Variants in EFHC2 observed in about 807,000 individuals in gnomAD.
EFHC2 encodes the protein EF-hand domain containing 2.
A neutral mutation model predicts 52.7 loss-of-function variants in EFHC2; 18 were observed. That is an observed-to-expected ratio of 0.34 (90% CI 0.24 to 0.51). EFHC2 has a LOEUF of 0.51. EFHC2 is among the 20% of genes least tolerant of loss of function. EFHC2 has a pLI of 0.97. For synonymous variants in EFHC2, 203 were observed against 204.1 expected (o/e 0.99, Z 0.04); for missense variants, 513 against 562.5 (o/e 0.91, Z 0.89).
At chrX:44,248,149 G>T in intron 7 of EFHC2, 123 bp downstream of exon 7, 1 of 585,151 alleles carries the variant, frequency 1.7e-6, no homozygotes, top group Non-Finnish European at 2.6e-6. Flanking sequence ...CTGGAAGATA[G>T]CAAATGCACA....
chrX:44,158,786 G>C (rs1602125584), intron 14 of EFHC2, among the ~76,000 whole-genome samples: 1 of 111,411 alleles, frequency 9.0e-6, no homozygotes, highest in East Asian at 2.8e-4. Context: ...AATAACCAAG[G>C]AACAAGCTGG....
At chrX:44,155,846 G>A (rs1346216468) in intron 14 of EFHC2, among the ~76,000 whole-genome samples, 1 of 112,420 alleles carries the variant, frequency 8.9e-6, no homozygotes, top group Non-Finnish European at 1.9e-5. Context: ...TAAATTTGGG[G>A]AAGAGGATTT....
At chrX:44,192,548 A>C (rs746557676) in intron 11 of EFHC2, among the ~76,000 whole-genome samples, 6 of 112,182 alleles carry the variant, frequency 5.3e-5, no homozygotes, top group Non-Finnish European at 1.1e-4. Flanking sequence ...CTCAATTTAC[A>C]AATACTTTAC....
At chrX:44,200,316 C>G (rs1188314893) in intron 11 of EFHC2, among the ~76,000 whole-genome samples, 1 of 111,514 alleles carries the variant, frequency 9.0e-6, no homozygotes, top group African/African-American at 3.3e-5. Context: ...ACAATCCACC[C>G]TAAGTCAGCA....
chrX:44,291,906 G>A (rs771251336), intron 2 of EFHC2, among the ~76,000 whole-genome samples: 21 of 111,856 alleles, frequency 1.9e-4, no homozygotes, highest in Admixed American at 4.7e-4. Context: ...AGTCTATTGC[G>A]CAAGCAATTA....
chrX:44,250,729 A>G (rs539220939), intron 4 of EFHC2, among the ~76,000 whole-genome samples: 30 of 98,092 alleles, frequency 3.1e-4, no homozygotes, highest in African/African-American at 1.0e-3. Context: ...GGAGGCTGAG[A>G]TGGGAGAATT....
At chrX:44,195,451 TG>T (rs1290726091) in intron 11 of EFHC2, among the ~76,000 whole-genome samples, 2 of 110,913 alleles carry the variant, frequency 1.8e-5, no homozygotes, top group Non-Finnish European at 3.8e-5. Flanking sequence ...TTTGTTTTTT[TG>T]TTTTTTTGCG....
At position 44,318,887 on chromosome X, in the gene EFHC2, G is replaced by A. The variant is rs1479540477; in HGVS notation, c.43-6131C>T. Among the ~76,000 whole-genome samples the A allele has an allele frequency of 2.7e-5, 3 of 111,340 alleles. No individual in the cohort carries two copies. In the East Asian group the frequency reaches 8.5e-4, roughly 31 times the overall value. ...TGGTCTGGATCAAATAGGCAACAAGGAGCCATTAAAGTTTCCCGAGGGACA... is the reference window on the plus strand; with the variant it reads ...TGGTCTGGATCAAATAGGCAACAAGAAGCCATTAAAGTTTCCCGAGGGACA... On this transcript the variant is annotated intron_variant, in intron 1 of 14. Transcript: ENST00000420999.
chrX:44,330,531 A>C (rs922649841), intron 1 of EFHC2, among the ~76,000 whole-genome samples: 1 of 111,099 alleles, frequency 9.0e-6, no homozygotes, highest in African/African-American at 3.3e-5. Flanking sequence ...AAGGCTGGGC[A>C]CGGTGGCTCA....
At chrX:44,178,272 A>T in intron 12 of EFHC2, 95 bp downstream of exon 12, 1 of 851,127 alleles carries the variant, frequency 1.2e-6, no homozygotes, top group Admixed American at 3.6e-5. Flanking sequence ...ACACATGTCT[A>T]TTTTCTTTTT....
At chrX:44,152,955 A>T (rs1208906488) in intron 14 of EFHC2, among the ~76,000 whole-genome samples, 4 of 111,898 alleles carry the variant, frequency 3.6e-5, no homozygotes, top group African/African-American at 1.3e-4. Context: ...TCTTCCAAAT[A>T]AAAGTTTTCA....
chrX:44,217,139 T>G (rs1371292607), intron 11 of EFHC2, among the ~76,000 whole-genome samples: 3 of 111,819 alleles, frequency 2.7e-5, no homozygotes, highest in Non-Finnish European at 5.6e-5. Context: ...TCATTGATCA[T>G]CAGATAAATG....
At chrX:44,182,062 T>C (rs947604750) in intron 11 of EFHC2, among the ~76,000 whole-genome samples, 1 of 111,794 alleles carries the variant, frequency 8.9e-6, no homozygotes, top group Non-Finnish European at 1.9e-5. Flanking sequence ...CTCATACCCA[T>C]TGAGCAACCA....
intron 11 of EFHC2, among the ~76,000 whole-genome samples, chrX:44,221,079 T>C (rs1176416311): frequency 8.9e-6 from 1 of 112,212 alleles, no homozygotes; most frequent in African/African-American, 3.2e-5. Flanking sequence ...GGGCATCTTT[T>C]CATAGGTTTA....
chrX:44,199,451 A>G (rs1316852607), intron 11 of EFHC2, among the ~76,000 whole-genome samples: 1 of 112,485 alleles, frequency 8.9e-6, no homozygotes, highest in Non-Finnish European at 1.9e-5. Context: ...AAATTGACTA[A>G]TCCATGTTCC....
At chrX:44,265,969 A>T (rs1391468123) in intron 3 of EFHC2, among the ~76,000 whole-genome samples, 1 of 111,674 alleles carries the variant, frequency 9.0e-6, no homozygotes, top group Non-Finnish European at 1.9e-5. Flanking sequence ...AACCCTACGC[A>T]TCTCCCCCTT....
intron 3 of EFHC2, among the ~76,000 whole-genome samples, chrX:44,263,908 A>G (rs2037558772): frequency 8.9e-6 from 1 of 111,975 alleles, no homozygotes; most frequent in South Asian, 3.7e-4. Context: ...TAGGAGTCCT[A>G]TATTTTTCTA....
chrX:44,181,674 T>C (rs2036836348), intron 11 of EFHC2, among the ~76,000 whole-genome samples: 3 of 112,771 alleles, frequency 2.7e-5, no homozygotes, highest in Non-Finnish European at 5.6e-5. Flanking sequence ...GTGCTATATT[T>C]GAAACTGCCA....
intron 11 of EFHC2, among the ~76,000 whole-genome samples, chrX:44,214,074 A>T (rs1016654121): frequency 1.2e-4 from 14 of 112,095 alleles, no homozygotes; most frequent in Non-Finnish European, 2.6e-4. Context: ...GGAACAGAAC[A>T]TCCAAGAACT....
Sources: allele counts gnomAD v4.1 joint callset (sites outside exome capture counted in the v4.1 genomes callset), GRCh38; gene constraint gnomAD v4.1.1; transcripts MANE v1.5; gene names NCBI Gene and HGNC (gene_info 2026-07-23, HGNC 2026-07-21).